Variants in ERC2 observed in about 807,000 individuals in gnomAD.
ERC2 encodes ERC protein 2.
A neutral mutation model predicts 114.8 loss-of-function variants in ERC2; 42 were observed. The observed-to-expected ratio is 0.37, with a 90% CI of 0.29 to 0.47. The LOEUF is 0.47. Among genes scored for constraint, ERC2 ranks in the 20% least tolerant of loss-of-function variants. ERC2 has a pLI of 0.99. For missense variants in ERC2, 939 were observed against 1,150.7 expected, an observed-to-expected ratio of 0.82 and a Z score of 2.66; for synonymous variants, 454 against 425.5, an observed-to-expected ratio of 1.07 and a Z score of -0.82.
intron 3 of ERC2, among the ~76,000 whole-genome samples, chr3:56,281,674 T>G (rs1483222280): frequency 1.3e-5 from 2 of 152,088 alleles, no homozygotes; most frequent in Non-Finnish European, 2.9e-5. Flanking sequence ...TAGACTAACA[T>G]TTATTGTGCA....
intron 7 of ERC2, among the ~76,000 whole-genome samples, chr3:56,057,638 G>A (rs1031343810): frequency 2.0e-5 from 3 of 152,082 alleles, no homozygotes; most frequent in Non-Finnish European, 4.4e-5. Flanking sequence ...CTGACATGTG[G>A]GTGTTGTGAA....
intron 3 of ERC2, among the ~76,000 whole-genome samples, chr3:56,223,700 G>A (rs144542800): frequency 1.2e-3 from 185 of 152,162 alleles, no homozygotes; most frequent in African/African-American, 4.4e-3. Context: ...TCTCTGTAGT[G>A]ACTAATTAGG....
intron 2 of ERC2, among the ~76,000 whole-genome samples, chr3:56,309,774 C>T (rs2056433649): frequency 6.6e-6 from 1 of 152,180 alleles, no homozygotes; most frequent in Non-Finnish European, 1.5e-5. Flanking sequence ...GGGCTTGGCA[C>T]ATAATGAATG....
chr3:56,114,261 C>T (rs9869654), intron 6 of ERC2, among the ~76,000 whole-genome samples: 25,447 of 152,066 alleles, frequency 0.17, 2,294 homozygotes, highest in African/African-American at 0.21. Context: ...AAAGGTGAAA[C>T]GGAGGACACA....
chr3:55,948,043 G>A (rs528823876), intron 13 of ERC2, among the ~76,000 whole-genome samples: 1 of 152,158 alleles, frequency 6.6e-6, no homozygotes, highest in Non-Finnish European at 1.5e-5. Context: ...CTGAGGTGAC[G>A]CAGGTTTTGT....
chr3:55,648,999 A>C (rs1373957310), intron 17 of ERC2, among the ~76,000 whole-genome samples: 2 of 152,150 alleles, frequency 1.3e-5, no homozygotes, highest in African/African-American at 4.8e-5. Context: ...ACATGAATGA[A>C]GATTCCCTTT....
intron 17 of ERC2, among the ~76,000 whole-genome samples, chr3:55,567,758 C>T (rs1030660347): frequency 3.9e-5 from 6 of 152,048 alleles, no homozygotes; most frequent in African/African-American, 9.7e-5. Flanking sequence ...AAGCAGGATC[C>T]GGGGCCCTGA....
intron 2 of ERC2, among the ~76,000 whole-genome samples, chr3:56,429,486 C>T (rs1039730469): frequency 4.6e-5 from 7 of 152,154 alleles, no homozygotes; most frequent in African/African-American, 1.7e-4. Context: ...CACTCTCCTC[C>T]AATTTAAGAA....
intron 14 of ERC2, among the ~76,000 whole-genome samples, chr3:55,753,551 A>T (rs562678274): frequency 6.6e-6 from 1 of 152,318 alleles, no homozygotes; most frequent in East Asian, 1.9e-4. Context: ...TTCATTTGAA[A>T]CACTAGCTGG....
rs76163140 is a variant in ERC2, at chr3:56,273,278, T to G, written c.1074+22741A>C. Reference sequence around the variant, plus strand: ...TTTTTCTTTCTTTTTTTTTTTTTTTTGGTGACAGGGTCTTGTTCCATTGCC... The same window carrying G: ...TTTTTCTTTCTTTTTTTTTTTTTTTGGGTGACAGGGTCTTGTTCCATTGCC... On this transcript the variant is annotated intron_variant, in intron 3 of 17. Transcript: ENST00000288221. Among the ~76,000 whole-genome samples, 6 of 132,792 alleles carry G rather than the reference T, an allele frequency of 4.5e-5. No individual in the cohort carries two copies. The South Asian group carries it at 1.2e-3, about 26-fold the overall frequency. The allele number at this position is 132,792 out of a possible 152,430, so 87.1% of individuals were successfully genotyped here. A position where few individuals can be genotyped will look rare whatever the true frequency, so the allele number is the denominator to read the frequency against.
chr3:56,095,136 T>A (rs952605415), intron 6 of ERC2, among the ~76,000 whole-genome samples: 1 of 152,124 alleles, frequency 6.6e-6, no homozygotes, highest in Non-Finnish European at 1.5e-5. Flanking sequence ...AGCCCTATAG[T>A]CCCAACTACT....
At chr3:55,867,580 C>T (rs1423963140) in intron 14 of ERC2, among the ~76,000 whole-genome samples, 3 of 152,104 alleles carry the variant, frequency 2.0e-5, no homozygotes, top group African/African-American at 7.2e-5. Context: ...TAACAAAATG[C>T]AATCGCATCT....
At chr3:56,416,883 T>C (rs1357421643) in intron 2 of ERC2, among the ~76,000 whole-genome samples, 1 of 152,184 alleles carries the variant, frequency 6.6e-6, no homozygotes, top group African/African-American at 2.4e-5. Context: ...GTCATCATAT[T>C]GTTTGACCTT....
chr3:55,753,473 C>T (rs892262184), intron 14 of ERC2, among the ~76,000 whole-genome samples: 2 of 152,212 alleles, frequency 1.3e-5, no homozygotes, highest in Non-Finnish European at 2.9e-5. Flanking sequence ...GTGGGCATTA[C>T]TATCAGGGGC....
intron 2 of ERC2, among the ~76,000 whole-genome samples, chr3:56,311,819 A>ATG (rs10536094): frequency 0.13 from 18,766 of 142,752 alleles, 1,344 homozygotes; most frequent in Admixed American, 0.18. Context: ...ATACATATAA[A>ATG]TGTGTGTGTG....
chr3:56,099,980 C>T (rs560139133), intron 6 of ERC2, among the ~76,000 whole-genome samples: 8 of 152,072 alleles, frequency 5.3e-5, no homozygotes, highest in African/African-American at 1.7e-4. Context: ...TACGAGCACT[C>T]TTATTGGGGA....
intron 17 of ERC2, among the ~76,000 whole-genome samples, chr3:55,523,812 T>C (rs981309088): frequency 1.3e-5 from 2 of 152,234 alleles, no homozygotes; most frequent in East Asian, 3.8e-4. Context: ...ATGCTGACTG[T>C]GTGCCAGGAA....
At chr3:56,144,547 CAA>C (rs1278520431) in intron 5 of ERC2, among the ~76,000 whole-genome samples, 9 of 152,138 alleles carry the variant, frequency 5.9e-5, no homozygotes, top group African/African-American at 2.2e-4. Flanking sequence ...CTAACTTCTA[CAA>C]ATACCACAGT....
At chr3:55,719,958 C>G (rs2064356268) in intron 15 of ERC2, among the ~76,000 whole-genome samples, 1 of 138,412 alleles carries the variant, frequency 7.2e-6, no homozygotes, top group Non-Finnish European at 1.7e-5. Context: ...TCTTTCCTTT[C>G]TTTCCTTCTC....
Sources: gnomAD v4.1 joint callset for allele counts (sites outside exome capture counted in the v4.1 genomes callset) on GRCh38, gnomAD v4.1.1 for gene constraint, MANE v1.5 for transcripts, NCBI Gene and HGNC (gene_info 2026-07-23, HGNC 2026-07-21) for gene names.